Variants in OLA1 observed in about 807,000 individuals in gnomAD.
The protein encoded by OLA1 is Obg like ATPase 1.
OLA1 carries 14 observed loss-of-function variants against 48.4 expected under a neutral mutation model. The ratio of observed to expected loss-of-function variants is 0.29; its 90% confidence interval spans 0.19 to 0.45. The LOEUF (loss-of-function observed/expected upper bound fraction) is 0.45, where lower values mean the gene tolerates loss of function less well. OLA1 is among the 20% of genes least tolerant of loss of function. The pLI is 1.00. For synonymous variants in OLA1, 127 were observed against 150.4 expected (o/e 0.84, Z 1.14); for missense variants, 325 against 467.1 (o/e 0.70, Z 2.80).
At position 174,146,303 on chromosome 2, in the gene OLA1, T is replaced by C. The variant is rs191333169; in HGVS notation, c.374-4303A>G. Reference sequence around the variant, plus strand: ...AGGCAGGGTGATAAGATAAGACTTATGATTTAAAGAGGACACTTTAGCTAC... The same window carrying C: ...AGGCAGGGTGATAAGATAAGACTTACGATTTAAAGAGGACACTTTAGCTAC... On this transcript the variant is annotated intron_variant, in intron 4 of 10. Coordinates refer to ENST00000284719, the MANE Select transcript of OLA1 (RefSeq NM_013341.5). Among the ~76,000 whole-genome samples, 69 of 152,306 alleles carry C rather than the reference T, an allele frequency of 4.5e-4. 2 individuals carry two copies. The highest frequency in any genetic ancestry group is 2.5e-3 in the Admixed American group (39 of 15,298).
intron 4 of OLA1, among the ~76,000 whole-genome samples, chr2:174,158,124 TA>T (rs958355388): frequency 3.3e-5 from 5 of 152,212 alleles, no homozygotes; most frequent in African/African-American, 1.2e-4. Context: ...TGCAATCTTA[TA>T]ACGTCCTAGT....
chr2:174,177,201 T>C (rs1460850736), intron 4 of OLA1, among the ~76,000 whole-genome samples: 1 of 152,162 alleles, frequency 6.6e-6, no homozygotes, highest in Admixed American at 6.5e-5. Flanking sequence ...TCTATGATCA[T>C]CAAGCTCAAC....
At chr2:174,156,129 T>C (rs990221482) in intron 4 of OLA1, among the ~76,000 whole-genome samples, 3 of 152,168 alleles carry the variant, frequency 2.0e-5, no homozygotes, top group African/African-American at 7.2e-5. Flanking sequence ...TATTTAACTA[T>C]TAAATATATT....
intron 2 of OLA1, among the ~76,000 whole-genome samples, chr2:174,241,665 G>A (rs951899153): frequency 6.6e-6 from 1 of 152,126 alleles, no homozygotes; most frequent in Non-Finnish European, 1.5e-5. Context: ...AGACAGAGTC[G>A]CACTCTGTGG....
At chr2:174,138,793 A>G (rs1686370329) in intron 5 of OLA1, among the ~76,000 whole-genome samples, 1 of 152,248 alleles carries the variant, frequency 6.6e-6, no homozygotes, top group Non-Finnish European at 1.5e-5. Flanking sequence ...AGTTTTAAAA[A>G]TTGCCTTAAG....
chr2:174,090,963 A>G (rs1427052372), intron 7 of OLA1, among the ~76,000 whole-genome samples: 1 of 152,214 alleles, frequency 6.6e-6, no homozygotes, highest in African/African-American at 2.4e-5. Context: ...ATTCCACTGT[A>G]TACTATAATA....
chr2:174,246,822 T>C lies in OLA1; in HGVS notation c.1-7A>G, dbSNP rs1433722975. 1 of 1,587,538 alleles carries C rather than the reference T, an allele frequency of 6.3e-7. No homozygotes were observed. The highest frequency in any genetic ancestry group is 8.6e-7 in the Non-Finnish European group (1 of 1,158,474). On this transcript the variant is annotated splice_region_variant and splice_polypyrimidine_tract_variant and intron_variant, in intron 1 of 10. Transcript: ENST00000284719. ...CTCCCTTTTTAGGGGGCATCTGAAATACCAAAGCAAACATATGAACAAAAC... is the reference window on the plus strand; with the variant it reads ...CTCCCTTTTTAGGGGGCATCTGAAACACCAAAGCAAACATATGAACAAAAC...
rs1431834605 is a variant in OLA1, at chr2:174,163,773, T to A, written c.374-21773A>T. Among the ~76,000 whole-genome samples, 17 of 38,766 alleles carry A rather than the reference T, an allele frequency of 4.4e-4. 1 individual carries two copies. Among genetic ancestry groups the A allele is most frequent in the African/African-American group, 1.4e-3 (12 of 8,470 alleles). 25.4% of individuals were successfully genotyped at this position (38,766 alleles called of 152,430 possible). A position where few individuals can be genotyped will look rare whatever the true frequency, so the allele number is the denominator to read the frequency against. On this transcript the variant is annotated intron_variant, in intron 4 of 10. Coordinates refer to ENST00000284719, the MANE Select transcript of OLA1 (RefSeq NM_013341.5). ...ATATATATATATATATATATATATA[T>A]ATAAATAAATGTTTGGGTGCCTGCT...
chr2:174,153,455 T>C (rs746688711), intron 4 of OLA1, among the ~76,000 whole-genome samples: 22 of 152,146 alleles, frequency 1.4e-4, no homozygotes, highest in Non-Finnish European at 2.9e-4. Context: ...TTTAGTATAG[T>C]AGCAATCAAA....
Position 174,111,540 on chromosome 2 carries a change from C to A in OLA1, c.728+11640G>T, listed in dbSNP as rs576389948. On this transcript the variant is annotated intron_variant, in intron 7 of 10. Coordinates refer to ENST00000284719, the MANE Select transcript of OLA1 (RefSeq NM_013341.5). ...CCCAAAGTGCAGCATATAATAGATG[C>A]TCAACAAATGGTAGTCATTAGTTTT... Among the ~76,000 whole-genome samples, 15 of 152,216 alleles carry A rather than the reference C, an allele frequency of 9.9e-5. No homozygotes were observed. In the South Asian group the frequency reaches 3.1e-3, roughly 32 times the overall value.
At chr2:174,137,217 G>A (rs1158278706) in intron 5 of OLA1, among the ~76,000 whole-genome samples, 1 of 152,190 alleles carries the variant, frequency 6.6e-6, no homozygotes, top group Non-Finnish European at 1.5e-5. Flanking sequence ...GGAATGATCA[G>A]GTACTTTGTC....
chr2:174,165,968 C>CA lies in OLA1; in HGVS notation c.374-23969dup, dbSNP rs1321582129. Among the ~76,000 whole-genome samples, 3 of 151,724 alleles carry CA rather than the reference C, an allele frequency of 2.0e-5. No homozygotes were observed. The East Asian group carries it at 5.8e-4, about 29-fold the overall frequency. The stretch of plus-strand genomic sequence containing the variant: ...GAAACCCCATCTCCACCAAAAAATA[C>CA]AAAAAAAGTAGCCGGACATGGTGGC... On this transcript the variant is annotated intron_variant, in intron 4 of 10. Transcript: ENST00000284719.
chr2:174,177,066 C>A (rs879345729), intron 4 of OLA1, among the ~76,000 whole-genome samples: 1 of 152,072 alleles, frequency 6.6e-6, no homozygotes, highest in African/African-American at 2.4e-5. Flanking sequence ...CCAATGACCA[C>A]CTGAACAATG....
chr2:174,087,312 C>CA (rs2105343363), intron 7 of OLA1, among the ~76,000 whole-genome samples: 1 of 152,178 alleles, frequency 6.6e-6, no homozygotes, highest in South Asian at 2.1e-4. Flanking sequence ...AGGCGTGAGC[C>CA]ACTGCACTCG....
rs574482523 is a variant in OLA1 at position 174,230,785 on chromosome 2, G to A, written c.102-1334C>T. ...AGAAACTTCTCCTTCTGGATGAGAT[G>A]TAGAAGCTAACAGCAGTCCAACAAT... On this transcript the variant is annotated intron_variant, in intron 2 of 10. Coordinates refer to ENST00000284719, the MANE Select transcript of OLA1 (RefSeq NM_013341.5). Among the ~76,000 whole-genome samples, 4 of 152,318 alleles carry A rather than the reference G, an allele frequency of 2.6e-5. No homozygotes were observed. In the East Asian group the frequency reaches 7.7e-4, roughly 29 times the overall value.
At chr2:174,207,528 T>C (rs1688144641) in intron 4 of OLA1, among the ~76,000 whole-genome samples, 2 of 152,234 alleles carry the variant, frequency 1.3e-5, no homozygotes, top group South Asian at 2.1e-4. Context: ...AGAACTTGTC[T>C]GACCAGCCTA....
At chr2:174,078,920 G>T (rs1279630339) in intron 10 of OLA1, 48 bp downstream of exon 10, 2 of 1,545,596 alleles carry the variant, frequency 1.3e-6, no homozygotes, top group Non-Finnish European at 1.8e-6. Context: ...GACTAACTTC[G>T]CATCAGTGGA....
intron 4 of OLA1, among the ~76,000 whole-genome samples, chr2:174,188,956 A>G (rs75606149): frequency 0.13 from 20,058 of 152,142 alleles, 1,770 homozygotes; most frequent in Non-Finnish European, 0.2. Flanking sequence ...TATTCACCTT[A>G]TATTACTATA....
chr2:174,215,811 C>T (rs1174333313), intron 4 of OLA1, among the ~76,000 whole-genome samples: 1 of 152,190 alleles, frequency 6.6e-6, no homozygotes, highest in Non-Finnish European at 1.5e-5. Context: ...ATAATTATTT[C>T]ACAGCCACCT....
Sources: allele counts gnomAD v4.1 joint callset (sites outside exome capture counted in the v4.1 genomes callset), GRCh38; gene constraint gnomAD v4.1.1; transcripts MANE v1.5; gene names NCBI Gene and HGNC (gene_info 2026-07-23, HGNC 2026-07-21).